SGCG: variants seen among roughly 807,000 people sequenced by gnomAD.
SGCG encodes sarcoglycan gamma.
Under a neutral mutation model 29.3 loss-of-function variants are expected in SGCG, and 26 were observed. The observed-to-expected ratio is 0.89, with a 90% CI of 0.65 to 1.23. SGCG has a LOEUF of 1.23. Ranked by LOEUF, SGCG falls within the 50% of genes most tolerant of loss-of-function variation. The pLI is 0.00. For missense variants in SGCG, 353 were observed against 356.0 expected, an observed-to-expected ratio of 0.99 and a Z score of 0.07; for synonymous variants, 145 against 129.7, an observed-to-expected ratio of 1.12 and a Z score of -0.80.
chr13:23,298,817 C>CG (rs1566037006), intron 6 of SGCG, among the ~76,000 whole-genome samples: 1 of 152,052 alleles, frequency 6.6e-6, no homozygotes, highest in African/African-American at 2.4e-5. Context: ...ACTGTATATA[C>CG]GGCAGGCTCT....
intron 4 of SGCG, among the ~76,000 whole-genome samples, chr13:23,263,778 G>A (rs768083830): frequency 2.6e-5 from 4 of 151,822 alleles, no homozygotes; most frequent in Admixed American, 6.6e-5. Flanking sequence ...CAACATATGC[G>A]AGTCAAGAAA....
the SGCG span, among the ~76,000 whole-genome samples, chr13:23,167,771 A>T: frequency 1.3e-5 from 2 of 150,420 alleles, no homozygotes; most frequent in African/African-American, 2.5e-5. Context: ...TTGCTCCGGC[A>T]CCCAGGCTGG....
At chr13:23,176,757 T>C (rs2025976), upstream of SGCG, among the ~76,000 whole-genome samples, 18,571 of 152,168 alleles carry the variant, frequency 0.12, 1,186 homozygotes, top group East Asian at 0.15. Context: ...TAAGGACTTA[T>C]TCCTGCTATT....
chr13:23,283,533 T>G (rs1383343893), intron 5 of SGCG, among the ~76,000 whole-genome samples: 1 of 152,228 alleles, frequency 6.6e-6, no homozygotes, highest in Non-Finnish European at 1.5e-5. Flanking sequence ...ATGTGTCTCC[T>G]GAACATAGCC....
chr13:23,276,559 A>T (rs1393513422), intron 4 of SGCG, among the ~76,000 whole-genome samples: 4 of 146,224 alleles, frequency 2.7e-5, no homozygotes, highest in Admixed American at 7.1e-5. Flanking sequence ...CAGCCTCCCC[A>T]GTAGCTGGGA....
chr13:23,248,893 A>T (rs997381993), intron 3 of SGCG, among the ~76,000 whole-genome samples: 3 of 148,582 alleles, frequency 2.0e-5, no homozygotes, highest in Non-Finnish European at 4.5e-5. Context: ...TGGGAGGCTG[A>T]GGCAGGAGAA....
At chr13:23,261,068 T>C (rs1208584414) in intron 4 of SGCG, among the ~76,000 whole-genome samples, 3 of 152,140 alleles carry the variant, frequency 2.0e-5, no homozygotes, top group African/African-American at 7.2e-5. Flanking sequence ...ATTTCCTGAA[T>C]TTGAATGTTG....
chr13:23,315,735 A>G (rs1566045406), intron 6 of SGCG, among the ~76,000 whole-genome samples: 1 of 152,218 alleles, frequency 6.6e-6, no homozygotes, highest in Non-Finnish European at 1.5e-5. Context: ...ATACTGATTC[A>G]TGGGCTGTAG....
At chr13:23,250,382 T>C (rs1174938547) in intron 3 of SGCG, among the ~76,000 whole-genome samples, 1 of 151,882 alleles carries the variant, frequency 6.6e-6, no homozygotes, top group South Asian at 2.1e-4. Flanking sequence ...CATATTTTTT[T>C]CTATCCCTAT....
intron 3 of SGCG, among the ~76,000 whole-genome samples, chr13:23,240,017 A>T (rs117481777): frequency 1.5e-4 from 23 of 152,328 alleles, no homozygotes; most frequent in Non-Finnish European, 2.9e-4. Context: ...TGAAAGACAG[A>T]CTGTGAAACT....
rs182474971 is a variant in SGCG at position 23,206,920 on chromosome 13, C to T, written c.195+3031C>T. ...GTGATCTGTAGATTCAGTGCAATTC[C>T]CATCAAAATTCCAATGTTATATTTT... On this transcript the variant is annotated intron_variant, in intron 2 of 7. Coordinates refer to ENST00000218867, the MANE Select transcript of SGCG (RefSeq NM_000231.3). Among the ~76,000 whole-genome samples the T allele has an allele frequency of 2.6e-3, 390 of 152,182 alleles. 3 individuals carry two copies. Among genetic ancestry groups the T allele is most frequent in the African/African-American group, 7.9e-3 (328 of 41,516 alleles).
chr13:23,203,076 C>T (rs1423275336), intron 1 of SGCG, among the ~76,000 whole-genome samples: 1 of 152,136 alleles, frequency 6.6e-6, no homozygotes, highest in African/African-American at 2.4e-5. Flanking sequence ...TCTCCTGCCT[C>T]AGTCTCCTGA....
chr13:23,254,281 G>A (rs560388964), intron 4 of SGCG, among the ~76,000 whole-genome samples: 28 of 152,240 alleles, frequency 1.8e-4, no homozygotes, highest in Non-Finnish European at 3.5e-4. Flanking sequence ...GGCTGAGGAG[G>A]TCTCAGATGG....
intron 6 of SGCG, among the ~76,000 whole-genome samples, chr13:23,312,197 A>C (rs1209598644): frequency 6.6e-6 from 1 of 152,192 alleles, no homozygotes; most frequent in Non-Finnish European, 1.5e-5. Flanking sequence ...AGAACCTACC[A>C]AAGGGAAATT....
At chr13:23,208,252 T>C (rs1878056486) in intron 2 of SGCG, among the ~76,000 whole-genome samples, 1 of 152,132 alleles carries the variant, frequency 6.6e-6, no homozygotes, top group African/African-American at 2.4e-5. Context: ...ATTAACAAAG[T>C]TTGGCATGGC....
chr13:23,250,556 A>G, intron 3 of SGCG, 74 bp from the exon 4 acceptor site: 1 of 779,792 alleles, frequency 1.3e-6, no homozygotes, highest in East Asian at 2.7e-5. Flanking sequence ...AAAATCCTAA[A>G]TTTACACAGA....
At chr13:23,283,173 G>A (rs1310684619) in intron 5 of SGCG, among the ~76,000 whole-genome samples, 1 of 152,124 alleles carries the variant, frequency 6.6e-6, no homozygotes, top group Admixed American at 6.5e-5. Flanking sequence ...GAATATCCTT[G>A]TTAATTTTCT....
chr13:23,221,986 C>T (rs1011824048), intron 2 of SGCG, among the ~76,000 whole-genome samples: 1 of 152,170 alleles, frequency 6.6e-6, no homozygotes. Flanking sequence ...TTAGGGAGCA[C>T]TAAGGAGGGA....
intron 1 of SGCG, among the ~76,000 whole-genome samples, chr13:23,190,918 T>G (rs1877222691): frequency 6.6e-6 from 1 of 152,226 alleles, no homozygotes; most frequent in East Asian, 1.9e-4. Flanking sequence ...AATTGAAAAC[T>G]ATATTTGGTG....
Sources: gnomAD v4.1 joint callset for allele counts (sites outside exome capture counted in the v4.1 genomes callset) on GRCh38, gnomAD v4.1.1 for gene constraint, MANE v1.5 for transcripts, NCBI Gene and HGNC (gene_info 2026-07-23, HGNC 2026-07-21) for gene names.